The following TNC variants were observed in gnomAD, a reference collection of about 807,000 sequenced individuals.
The protein encoded by TNC is tenascin C.
In TNC, 109 loss-of-function variants were observed where a neutral mutation model predicts 202.4. That is an observed-to-expected ratio of 0.54 (90% CI 0.46 to 0.63). The LOEUF is 0.63. TNC is among the 30% of genes least tolerant of loss of function. The pLI is 0.00. For missense variants in TNC, 2,756 were observed against 2,833.3 expected (o/e 0.97, Z 0.62); for synonymous variants, 1,007 against 1,089.7 (o/e 0.92, Z 1.50).
At position 115,020,036 on chromosome 9, in the gene TNC, T is replaced by C. The variant is rs767718580; in HGVS notation, c.*1121A>G. 2 of 152,008 alleles carry C rather than the reference T, an allele frequency of 1.3e-5. No homozygotes were observed. The highest frequency in any genetic ancestry group is 4.8e-5 in the African/African-American group (2 of 41,384). The allele number at this position is 152,008 out of a possible 1,614,324, so 9.4% of individuals were successfully genotyped here. Reference sequence around the variant, plus strand: ...GCTGAATCTCAAGTTGTAAGCTTTTTTTTTCTTTTCTTTTTTTATTTAGAG... The same window carrying C: ...GCTGAATCTCAAGTTGTAAGCTTTTCTTTTCTTTTCTTTTTTTATTTAGAG... On this transcript the variant is annotated 3_prime_UTR_variant, in exon 28 of 28. Coordinates refer to ENST00000350763, the MANE Select transcript of TNC (RefSeq NM_002160.4).
intron 1 of TNC, among the ~76,000 whole-genome samples, chr9:115,116,660 A>G (rs1837491779): frequency 6.6e-6 from 1 of 152,248 alleles, no homozygotes. Context: ...AAGAGTTTCC[A>G]ACAGCATCGT....
At chr9:115,093,156 G>A (rs1414822287) in intron 1 of TNC, among the ~76,000 whole-genome samples, 1 of 151,932 alleles carries the variant, frequency 6.6e-6, no homozygotes, top group African/African-American at 2.4e-5. Flanking sequence ...AAATTGAACT[G>A]GGAAGCATTC....
chr9:115,054,257 C>T (rs527683483), intron 15 of TNC, among the ~76,000 whole-genome samples: 8 of 152,166 alleles, frequency 5.3e-5, no homozygotes, highest in Non-Finnish European at 7.4e-5. Context: ...CAGCATAATT[C>T]GATGTCATAA....
intron 1 of TNC, among the ~76,000 whole-genome samples, chr9:115,095,492 G>C (rs1176476453): frequency 4.1e-4 from 5 of 12,114 alleles, no homozygotes; most frequent in South Asian, 6.5e-3. Context: ...ATATATATAT[G>C]TATATATATG....
Position 115,064,046 on chromosome 9 carries a change from CT to C in TNC, c.3509del (p.Glu1170GlyfsTer36). On this transcript the variant is annotated frameshift_variant, in exon 12 of 28. Transcript: ENST00000350763. LOFTEE classifies it high-confidence loss of function. Reference protein sequence around the residue: ...ASTGETPNLGEVVVAEVGWDA... With the variant: ...ASTGETPNLGXVVVAEVGWDA... ...CCCAGCCCACCTCGGCCACCACGAC[CT>C]CTCCCAAATTGGGAGTTTCCCCTGG... The C allele has an allele frequency of 6.2e-7, 1 of 1,609,578 alleles. No individual in the cohort carries two copies. The highest frequency in any genetic ancestry group is 8.5e-7 in the Non-Finnish European group (1 of 1,177,036).
intron 1 of TNC, among the ~76,000 whole-genome samples, chr9:115,107,854 G>A (rs1166657585): frequency 6.6e-6 from 1 of 152,168 alleles, no homozygotes; most frequent in African/African-American, 2.4e-5. Context: ...CTCTTTGGTG[G>A]CTGTGCACAT....
At chr9:115,060,509 G>A (rs1832464159) in intron 13 of TNC, among the ~76,000 whole-genome samples, 1 of 152,172 alleles carries the variant, frequency 6.6e-6, no homozygotes, top group Admixed American at 6.5e-5. Flanking sequence ...ATGATTAAAT[G>A]GTAATATTTA....
chr9:115,050,580 A>G (rs942791372), intron 15 of TNC, among the ~76,000 whole-genome samples: 5 of 152,244 alleles, frequency 3.3e-5, no homozygotes, highest in Non-Finnish European at 1.5e-5. Flanking sequence ...TTTTAATCTT[A>G]CATTAAAACA....
chr9:115,105,370 G>A (rs1296724219), intron 1 of TNC, among the ~76,000 whole-genome samples: 1 of 152,140 alleles, frequency 6.6e-6, no homozygotes, highest in Non-Finnish European at 1.5e-5. Flanking sequence ...TGCTTTTTGT[G>A]TCTTCTGTGG....
intron 14 of TNC, 145 bp downstream of exon 14, chr9:115,059,585 A>C: frequency 1.3e-6 from 1 of 798,138 alleles, no homozygotes; most frequent in East Asian, 2.5e-5. Flanking sequence ...CATAGCCCAC[A>C]GGGAGGTCTC....
intron 10 of TNC, among the ~76,000 whole-genome samples, chr9:115,065,211 C>T (rs1236078697): frequency 6.6e-6 from 1 of 152,086 alleles, no homozygotes; most frequent in Non-Finnish European, 1.5e-5. Flanking sequence ...GCCTGGCCAA[C>T]ATGGTGAAAC....
chr9:115,109,276 G>T (rs746889315), intron 1 of TNC, among the ~76,000 whole-genome samples: 2 of 152,224 alleles, frequency 1.3e-5, no homozygotes, highest in Non-Finnish European at 2.9e-5. Context: ...GCCAGTTTCT[G>T]TGCTAAGCAG....
chr9:115,046,181 T>C (rs1432080138), intron 17 of TNC, among the ~76,000 whole-genome samples: 5 of 152,272 alleles, frequency 3.3e-5, no homozygotes. Context: ...ATGGGCTTTA[T>C]ATGAATTATC....
intron 22 of TNC, among the ~76,000 whole-genome samples, chr9:115,034,333 C>A (rs1830160015): frequency 6.6e-6 from 1 of 152,250 alleles, no homozygotes; most frequent in Non-Finnish European, 1.5e-5. Context: ...ACAAAGTTGA[C>A]AAGCCCTGCC....
chr9:115,056,289 C>T lies in TNC; in HGVS notation c.4579+864G>A, dbSNP rs186956059. Among the ~76,000 whole-genome samples, 27 of 151,818 alleles carry T rather than the reference C, an allele frequency of 1.8e-4. No homozygotes were observed. The East Asian group carries it at 4.6e-3, about 26-fold the overall frequency. On this transcript the variant is annotated intron_variant, in intron 15 of 27. Transcript: ENST00000350763. The stretch of plus-strand genomic sequence containing the variant: ...CTTTTTTTCTAGTTTGTGATTTCTT[C>T]ATTTACCTCTCCAGAGAAGGCACTG...
intron 27 of TNC, 22 bp from the exon 28 acceptor site, chr9:115,021,289 G>T: frequency 6.5e-7 from 1 of 1,538,890 alleles, no homozygotes; most frequent in Non-Finnish European, 8.9e-7. Context: ...AAAAAAGAGA[G>T]AGAGAGAGAG....
At chr9:115,035,122 A>C (rs1441020327) in intron 22 of TNC, 82 bp downstream of exon 22, 6 of 1,457,004 alleles carry the variant, frequency 4.1e-6, no homozygotes, top group Non-Finnish European at 4.6e-6. Context: ...GTAGAAAAAC[A>C]GCATCAGGTA....
At chr9:115,097,243 C>T (rs1177487642) in intron 1 of TNC, among the ~76,000 whole-genome samples, 1 of 152,200 alleles carries the variant, frequency 6.6e-6, no homozygotes, top group Non-Finnish European at 1.5e-5. Context: ...CCCGCCTCCT[C>T]TCCCTGGAGA....
chr9:115,031,740 T>C (rs891716979), intron 22 of TNC, 55 bp from the exon 23 acceptor site: 20 of 1,585,698 alleles, frequency 1.3e-5, no homozygotes, highest in Non-Finnish European at 1.5e-5. Context: ...TCTCAGGGTA[T>C]AGATAAGAAG....
Sources: allele counts gnomAD v4.1 joint callset (sites outside exome capture counted in the v4.1 genomes callset), GRCh38; gene constraint gnomAD v4.1.1; transcripts MANE v1.5; gene names NCBI Gene and HGNC (gene_info 2026-07-23, HGNC 2026-07-21).